CAP1: variants seen among roughly 807,000 people sequenced by gnomAD.
CAP1 encodes cyclase associated actin cytoskeleton regulatory protein 1.
A neutral mutation model predicts 58.2 loss-of-function variants in CAP1; 11 were observed. The observed-to-expected ratio is 0.19, with a 90% CI of 0.12 to 0.31. The LOEUF (loss-of-function observed/expected upper bound fraction) is 0.31. CAP1 is among the 10% of genes least tolerant of loss of function. The pLI is 1.00. For missense variants in CAP1, 423 were observed against 587.5 expected, an observed-to-expected ratio of 0.72 and a Z score of 2.89; for synonymous variants, 183 against 213.8, an observed-to-expected ratio of 0.86 and a Z score of 1.26.
chr1:40,061,621 C>T lies in CAP1; in HGVS notation c.217-114C>T, dbSNP rs1194983043. On this transcript the variant is annotated intron_variant, in intron 3 of 12. Coordinates refer to ENST00000372805, the MANE Select transcript of CAP1 (RefSeq NM_006367.4). Reference sequence around the variant, plus strand: ...AATCTGGAATACATGAGGAGGATAACATGAAGTGCCTGGGTTGCTATCAGA... The same window carrying T: ...AATCTGGAATACATGAGGAGGATAATATGAAGTGCCTGGGTTGCTATCAGA... The T allele has an allele frequency of 9.7e-6, 8 of 824,426 alleles. No individual in the cohort carries two copies. In the East Asian group the frequency reaches 1.5e-4, roughly 15 times the overall value. The allele number at this position is 824,426 out of a possible 1,614,324, so 51.1% of individuals were successfully genotyped here. A position where few individuals can be genotyped will look rare whatever the true frequency, so the allele number is the denominator to read the frequency against.
chr1:40,067,063 AG>A (rs1445777036), intron 7 of CAP1, among the ~76,000 whole-genome samples: 6 of 152,240 alleles, frequency 3.9e-5, no homozygotes, highest in Non-Finnish European at 7.3e-5. Context: ...AAACATTTGC[AG>A]GAGATAGCAC....
At chr1:40,064,631 C>T in intron 6 of CAP1, 72 bp downstream of exon 6, 3 of 1,146,766 alleles carry the variant, frequency 2.6e-6, no homozygotes, top group Non-Finnish European at 2.6e-6. Context: ...GGCTGAAGTA[C>T]AGTGGCACAA....
At chr1:40,062,380 TC>T (rs1646888070) in intron 4 of CAP1, among the ~76,000 whole-genome samples, 1 of 152,208 alleles carries the variant, frequency 6.6e-6, no homozygotes, top group South Asian at 2.1e-4. Context: ...AAGCAAGTTG[TC>T]CTAAATGCTG....
intron 8 of CAP1, among the ~76,000 whole-genome samples, chr1:40,068,556 G>A (rs888698744): frequency 1.3e-5 from 2 of 151,986 alleles, no homozygotes; most frequent in African/African-American, 2.4e-5. Flanking sequence ...GGGATTACAG[G>A]TGTGAGCCAC....
At position 40,061,718 on chromosome 1, in the gene CAP1, ATTC is replaced by A. The variant is rs1646859337; in HGVS notation, c.217-11_217-9del. 6.2e-7 allele frequency: 1 copy of A among 1,610,048 alleles called. No individual in the cohort carries two copies. The highest frequency in any genetic ancestry group is 1.3e-5 in the African/African-American group (1 of 74,818). On this transcript the variant is annotated splice_polypyrimidine_tract_variant and intron_variant, in intron 3 of 12. Coordinates refer to ENST00000372805, the MANE Select transcript of CAP1 (RefSeq NM_006367.4). Reference sequence around the variant, plus strand: ...AGTTATAATGTGTCATCAATAGCTGATTCTTCTTTCTGGCAGGCGGAGATGGTC... The same window carrying A: ...AGTTATAATGTGTCATCAATAGCTGATTCTTTCTGGCAGGCGGAGATGGTC...
chr1:40,064,818 C>T (rs1647005306), intron 6 of CAP1, among the ~76,000 whole-genome samples: 2 of 152,098 alleles, frequency 1.3e-5, no homozygotes, highest in African/African-American at 4.8e-5. Context: ...GCCTTGGTCT[C>T]CCCAAAGTGC....
At chr1:40,059,191 T>C in intron 1 of CAP1, 146 bp from the exon 2 acceptor site, 1 of 551,826 alleles carries the variant, frequency 1.8e-6, no homozygotes, top group East Asian at 3.0e-5. Context: ...ATTTTGCAGA[T>C]GATATCTAAT....
intron 1 of CAP1, among the ~76,000 whole-genome samples, chr1:40,051,935 GTATT>G (rs981496257): frequency 2.6e-5 from 4 of 152,260 alleles, no homozygotes; most frequent in South Asian, 2.1e-4. Flanking sequence ...ATAATCTACA[GTATT>G]TATTCCATTC....
At position 40,064,151 on chromosome 1, in the gene CAP1, T is replaced by C. The variant is rs1478443340; in HGVS notation, c.295-76T>C. 4 of 1,455,424 alleles carry C rather than the reference T, an allele frequency of 2.7e-6. No homozygotes were observed. In the Admixed American group the frequency reaches 7.2e-5, roughly 26 times the overall value. 90.2% of individuals were successfully genotyped at this position (1,455,424 alleles called of 1,614,324 possible). On this transcript the variant is annotated intron_variant, in intron 4 of 12. Coordinates refer to ENST00000372805, the MANE Select transcript of CAP1 (RefSeq NM_006367.4). Reference sequence around the variant, plus strand: ...CTCACTAGAGTCCATAGAGAATTCTTGCCTTCAGGATCAGAAGGCATAGAC... The same window carrying C: ...CTCACTAGAGTCCATAGAGAATTCTCGCCTTCAGGATCAGAAGGCATAGAC...
chr1:40,046,773 C>CTT (rs750614525), intron 1 of CAP1, among the ~76,000 whole-genome samples: 21 of 140,352 alleles, frequency 1.5e-4, no homozygotes, highest in East Asian at 6.2e-4. Context: ...TTTATTTAAA[C>CTT]TTTTTTTTTT....
rs149075563 is a variant in CAP1, at chr1:40,055,492, G to A, written c.-10-3845G>A. Among the ~76,000 whole-genome samples, 311 of 152,252 alleles carry A rather than the reference G, an allele frequency of 2.0e-3. 1 individual carries two copies. The highest frequency in any genetic ancestry group is 7.3e-3 in the African/African-American group (303 of 41,558). ...GGAGACTAGCCAAGAAGTCATTGCA[G>A]TAATCTTGGTGAAGTCTTGATATCC... is the stretch of plus-strand genomic sequence containing the variant. On this transcript the variant is annotated intron_variant, in intron 1 of 12. Coordinates refer to ENST00000372805, the MANE Select transcript of CAP1 (RefSeq NM_006367.4).
chr1:40,050,014 A>T (rs1397427977), intron 1 of CAP1, among the ~76,000 whole-genome samples: 1 of 152,166 alleles, frequency 6.6e-6, no homozygotes, highest in African/African-American at 2.4e-5. Context: ...CCATATAAGG[A>T]AGAACTTTTT....
Position 40,072,330 on chromosome 1 carries a change from T to C in CAP1, c.*797T>C, listed in dbSNP as rs1648221708. Reference sequence around the variant, plus strand: ...ATCCTTCTTCCCTGCCAGGTGCCTGTCACCTGTCTTCACTGCCTCCTTTTC... The same window carrying C: ...ATCCTTCTTCCCTGCCAGGTGCCTGCCACCTGTCTTCACTGCCTCCTTTTC... On this transcript the variant is annotated 3_prime_UTR_variant, in exon 13 of 13. Transcript: ENST00000372805. The C allele has an allele frequency of 2.8e-6, 1 of 353,898 alleles. No individual in the cohort carries two copies. The allele number at this position is 353,898 out of a possible 1,614,324, so 21.9% of individuals were successfully genotyped here. A position where few individuals can be genotyped will look rare whatever the true frequency, so the allele number is the denominator to read the frequency against.
Position 40,071,483 on chromosome 1 carries a change from C to T in CAP1, c.1378C>T (p.Leu460=). 6.2e-7 allele frequency: 1 copy of T among 1,613,752 alleles called. No homozygotes were observed. Among genetic ancestry groups the T allele is most frequent in the Admixed American group, 1.7e-5 (1 of 60,014 alleles). ...EFPVPEQFKT[L]WNGQKLVTTV... Reference sequence around the variant, plus strand: ...CCCAGTTCCTGAGCAGTTCAAGACCCTATGGAACGGGCAGAAGTTGGTCAC... The same window carrying T: ...CCCAGTTCCTGAGCAGTTCAAGACCTTATGGAACGGGCAGAAGTTGGTCAC... The change falls in exon 13 of 13, where the codon CTA becomes TTA. Residue 460 remains leucine (L), a synonymous_variant. Transcript: ENST00000372805.
intron 1 of CAP1, among the ~76,000 whole-genome samples, chr1:40,043,769 T>G (rs1645953142): frequency 6.6e-6 from 1 of 151,684 alleles, no homozygotes; most frequent in Admixed American, 6.6e-5. Context: ...CCCAGCTACT[T>G]GGGAGGCTGA....
chr1:40,066,699 G>A (rs1237177589), intron 7 of CAP1, among the ~76,000 whole-genome samples: 1 of 152,196 alleles, frequency 6.6e-6, no homozygotes, highest in Non-Finnish European at 1.5e-5. Context: ...ATGAGGAAGA[G>A]AAGAGTGCTT....
intron 1 of CAP1, among the ~76,000 whole-genome samples, chr1:40,051,365 C>CTAGCCTGAGG (rs1646356167): frequency 6.7e-6 from 1 of 148,862 alleles, no homozygotes; most frequent in Non-Finnish European, 1.5e-5. Flanking sequence ...GCCTGAGCAA[C>CTAGCCTGAGG]ATAGTGAGAC....
In CAP1 at chr1:40,069,766, T is replaced by A. The variant is rs1026261572; in HGVS notation, c.885T>A (p.Ser295Arg). 1.2e-6 allele frequency: 2 copies of A among 1,613,518 alleles called. No homozygotes were observed. The highest frequency in any genetic ancestry group is 1.7e-6 in the Non-Finnish European group (2 of 1,179,850). ...ALKAQSGPVR[S>R]GPKPFSAPKP... ...AGGCTCAGAGTGGTCCAGTACGCAG[T>A]GGCCCCAAACCATTCTCTGCACCTA... Residue 295 changes from serine to arginine, a missense_variant, in exon 9 of 13, where the codon AGT becomes AGA. By Grantham distance (110) the Ser-to-Arg change is moderately radical. Transcript: ENST00000372805.
At chr1:40,050,930 A>G (rs1297085952) in intron 1 of CAP1, among the ~76,000 whole-genome samples, 2 of 152,156 alleles carry the variant, frequency 1.3e-5, no homozygotes, top group East Asian at 1.9e-4. Context: ...CAGCTTGCTC[A>G]TGCATCCTTG....
Sources: gnomAD v4.1 joint callset for allele counts (sites outside exome capture counted in the v4.1 genomes callset) on GRCh38, gnomAD v4.1.1 for gene constraint, MANE v1.5 for transcripts, NCBI Gene and HGNC (gene_info 2026-07-23, HGNC 2026-07-21) for gene names.